The following PTPRO variants were observed in gnomAD, a reference collection of about 807,000 sequenced individuals.
PTPRO encodes protein tyrosine phosphatase receptor type O.
A neutral mutation model predicts 145.2 loss-of-function variants in PTPRO; 62 were observed. That is an observed-to-expected ratio of 0.43 (90% confidence interval 0.35 to 0.53). PTPRO has a LOEUF of 0.53. Ranked by LOEUF, PTPRO falls within the 20% of genes least tolerant of loss-of-function variation. PTPRO has a pLI of 0.01. For synonymous variants in PTPRO, 565 were observed against 514.7 expected (o/e 1.10, Z -1.32); for missense variants, 1,345 against 1,482.7 (o/e 0.91, Z 1.53).
intron 1 of PTPRO, among the ~76,000 whole-genome samples, chr12:15,403,495 A>C (rs1355765328): frequency 6.6e-6 from 1 of 152,192 alleles, no homozygotes; most frequent in Non-Finnish European, 1.5e-5. Flanking sequence ...AGTCAGGAGA[A>C]TGGCGTGAAC....
intron 16 of PTPRO, 102 bp from the exon 17 acceptor site, chr12:15,560,091 A>T: frequency 2.4e-6 from 2 of 837,774 alleles, no homozygotes; most frequent in South Asian, 1.4e-5. Context: ...TTGTCATATT[A>T]ATTAATCCCA....
intron 1 of PTPRO, among the ~76,000 whole-genome samples, chr12:15,384,018 A>T (rs1004684115): frequency 5.3e-5 from 8 of 152,166 alleles, no homozygotes; most frequent in Admixed American, 3.9e-4. Flanking sequence ...ATTTCCACAC[A>T]GAGTCTGTTT....
chr12:15,370,131 G>T (rs1428925695), intron 1 of PTPRO, among the ~76,000 whole-genome samples: 1 of 152,090 alleles, frequency 6.6e-6, no homozygotes, highest in Admixed American at 6.6e-5. Context: ...TTAACAGAAG[G>T]TTTTTGAGTA....
chr12:15,483,484 A>G (rs1297058250), intron 1 of PTPRO, among the ~76,000 whole-genome samples: 1 of 152,138 alleles, frequency 6.6e-6, no homozygotes, highest in Non-Finnish European at 1.5e-5. Context: ...TGACCTTTTT[A>G]TAATTTTCAG....
At chr12:15,588,288 C>T (rs1233795697) in intron 24 of PTPRO, among the ~76,000 whole-genome samples, 1 of 152,156 alleles carries the variant, frequency 6.6e-6, no homozygotes, top group Non-Finnish European at 1.5e-5. Context: ...AACCCTTAAA[C>T]TCAAGGTTTA....
intron 4 of PTPRO, 115 bp from the exon 5 acceptor site, chr12:15,501,505 T>A (rs1416175673): frequency 1.0e-6 from 1 of 976,652 alleles, no homozygotes; most frequent in Non-Finnish European, 1.6e-6. Flanking sequence ...GTATCAGAAG[T>A]AAAATTAAAT....
chr12:15,515,356 G>C, intron 7 of PTPRO, 142 bp from the exon 8 acceptor site: 2 of 1,089,438 alleles, frequency 1.8e-6, no homozygotes, highest in Non-Finnish European at 2.7e-6. Flanking sequence ...CCTAATTTTG[G>C]AATCTGACAG....
intron 1 of PTPRO, among the ~76,000 whole-genome samples, chr12:15,347,242 T>TA (rs2136225469): frequency 6.6e-6 from 1 of 152,120 alleles, no homozygotes; most frequent in East Asian, 1.9e-4. Flanking sequence ...AGACACAACT[T>TA]AAAACAGTTT....
At chr12:15,351,795 AC>A (rs895941456) in intron 1 of PTPRO, among the ~76,000 whole-genome samples, 15 of 152,232 alleles carry the variant, frequency 9.9e-5, no homozygotes, top group African/African-American at 2.9e-4. Context: ...TAACAAAAAA[AC>A]ATTGCTCCTT....
chr12:15,595,621 C>G (rs750635716), intron 26 of PTPRO: 1 of 156,436 alleles, frequency 6.4e-6, no homozygotes, highest in Non-Finnish European at 1.4e-5. Context: ...GTTTTGACTA[C>G]GAGATCAGAT....
At chr12:15,490,465 A>G (rs1057497170) in intron 2 of PTPRO, among the ~76,000 whole-genome samples, 2 of 152,132 alleles carry the variant, frequency 1.3e-5, no homozygotes, top group African/African-American at 4.8e-5. Flanking sequence ...CCAAAATTTT[A>G]TTTTTTTATA....
chr12:15,338,357 T>G (rs190409545), intron 1 of PTPRO, among the ~76,000 whole-genome samples: 78 of 152,328 alleles, frequency 5.1e-4, no homozygotes, highest in African/African-American at 1.7e-3. Context: ...CTACAGGGAC[T>G]GTTTCAGAAA....
rs909284315 is a variant in PTPRO, at chr12:15,400,826, C to T, written c.75+78025C>T. Among the ~76,000 whole-genome samples the T allele has an allele frequency of 2.0e-5, 3 of 152,134 alleles. No individual in the cohort carries two copies. In the South Asian group the frequency reaches 6.2e-4, roughly 32 times the overall value. ...CATTCTAGTGAGTAACACTAAGTATCCTCACTAAAATATAAGTTACATATA... is the reference window on the plus strand; with the variant it reads ...CATTCTAGTGAGTAACACTAAGTATTCTCACTAAAATATAAGTTACATATA... On this transcript the variant is annotated intron_variant, in intron 1 of 26. Coordinates refer to ENST00000281171, the MANE Select transcript of PTPRO (RefSeq NM_030667.3).
chr12:15,409,096 A>G (rs1163622689), intron 1 of PTPRO, among the ~76,000 whole-genome samples: 1 of 152,066 alleles, frequency 6.6e-6, no homozygotes, highest in Non-Finnish European at 1.5e-5. Flanking sequence ...ATATTATTTT[A>G]TAGTAATAAC....
rs571083129 is a variant in PTPRO, at chr12:15,512,339, T to A, written c.1465-3159T>A. 7.4e-4 allele frequency among the ~76,000 whole-genome samples: 112 copies of A among 152,120 alleles called. 1 individual carries two copies. Among genetic ancestry groups the A allele is most frequent in the South Asian group, 3.7e-3 (18 of 4,812 alleles). On this transcript the variant is annotated intron_variant, in intron 7 of 26. Transcript: ENST00000281171. ...CGTGTTGGTCAGGCTGGTCTCAAAC[T>A]CCCAACCTCAGGTGATCTGCCCACC...
chr12:15,459,735 CAG>C (rs1941259622), intron 1 of PTPRO, among the ~76,000 whole-genome samples: 1 of 152,202 alleles, frequency 6.6e-6, no homozygotes, highest in Non-Finnish European at 1.5e-5. Context: ...TTCTATGTAA[CAG>C]AGAATTTTCA....
intron 18 of PTPRO, among the ~76,000 whole-genome samples, chr12:15,567,000 G>A (rs759861178): frequency 1.3e-5 from 2 of 152,200 alleles, no homozygotes; most frequent in Non-Finnish European, 1.5e-5. Flanking sequence ...TAAAGAGGCA[G>A]AGACTAGAGC....
At chr12:15,494,902 T>C (rs1326604927) in intron 2 of PTPRO, among the ~76,000 whole-genome samples, 1 of 152,156 alleles carries the variant, frequency 6.6e-6, no homozygotes, top group Non-Finnish European at 1.5e-5. Context: ...ACTTTTTCTG[T>C]CTCCTTTCAT....
chr12:15,355,572 C>G (rs185988053), intron 1 of PTPRO, among the ~76,000 whole-genome samples: 3 of 152,210 alleles, frequency 2.0e-5, no homozygotes, highest in Admixed American at 2.0e-4. Flanking sequence ...ACTTTAATAT[C>G]TAATCTATTG....
Sources: allele counts gnomAD v4.1 joint callset (sites outside exome capture counted in the v4.1 genomes callset), GRCh38; gene constraint gnomAD v4.1.1; transcripts MANE v1.5; gene names NCBI Gene and HGNC (gene_info 2026-07-23, HGNC 2026-07-21).